GPM6A: variants seen among roughly 807,000 people sequenced by gnomAD.
GPM6A encodes neuronal membrane glycoprotein M6-a.
GPM6A carries 7 observed loss-of-function variants against 32.1 expected under a neutral mutation model. That is an observed-to-expected ratio of 0.22 (90% confidence interval 0.12 to 0.41). The LOEUF (loss-of-function observed/expected upper bound fraction) is 0.41. Ranked by LOEUF, GPM6A falls within the 10% of genes least tolerant of loss-of-function variation. The pLI, the probability that GPM6A is intolerant of heterozygous loss-of-function variation, is 1.00. For missense variants in GPM6A, 235 were observed against 347.2 expected, an observed-to-expected ratio of 0.68 and a Z score of 2.57; for synonymous variants, 130 against 123.4, an observed-to-expected ratio of 1.05 and a Z score of -0.35.
At chr4:175,749,995 A>G (rs949114562) in intron 1 of GPM6A, among the ~76,000 whole-genome samples, 1 of 152,164 alleles carries the variant, frequency 6.6e-6, no homozygotes, top group Non-Finnish European at 1.5e-5. Context: ...CATTTTGTAC[A>G]TAAAGATCAG....
At position 175,633,533 on chromosome 4, in the gene GPM6A, T is replaced by G. The variant is rs534676057; in HGVS notation, c.*1372A>C. The G allele has an allele frequency of 6.6e-6, 1 of 152,550 alleles. No homozygotes were observed. Among genetic ancestry groups the G allele is most frequent in the East Asian group, 1.9e-4 (1 of 5,170 alleles). The allele number at this position is 152,550 out of a possible 1,614,324, so 9.4% of individuals were successfully genotyped here. ...CAAATCAGTGCACAATACTACCTAG[T>G]TTTATACACTGAAAAAAATGTCTTG... On this transcript the variant is annotated 3_prime_UTR_variant, in exon 7 of 7. Coordinates refer to ENST00000393658, the MANE Select transcript of GPM6A (RefSeq NM_201591.3).
chr4:175,945,666 A>G (rs995792407), intron 1 of GPM6A, among the ~76,000 whole-genome samples: 1 of 144,952 alleles, frequency 6.9e-6, no homozygotes, highest in Non-Finnish European at 1.5e-5. Flanking sequence ...TATAAGTTAT[A>G]ATATATGTTA....
chr4:175,906,163 C>T (rs913827091), intron 1 of GPM6A, among the ~76,000 whole-genome samples: 4 of 152,072 alleles, frequency 2.6e-5, no homozygotes, highest in Non-Finnish European at 4.4e-5. Context: ...AATTCAAGAA[C>T]GATGTCACTG....
At chr4:175,711,662 C>T (rs1579414212) in intron 1 of GPM6A, among the ~76,000 whole-genome samples, 1 of 144,552 alleles carries the variant, frequency 6.9e-6, no homozygotes, top group Admixed American at 7.3e-5. Flanking sequence ...GAATCCCCAG[C>T]TGTCTTGTGC....
At chr4:175,916,696 C>T (rs559605835) in intron 1 of GPM6A, among the ~76,000 whole-genome samples, 1 of 152,268 alleles carries the variant, frequency 6.6e-6, no homozygotes, top group East Asian at 1.9e-4. Context: ...CTAACACACA[C>T]TTTCTAATTA....
intron 1 of GPM6A, among the ~76,000 whole-genome samples, chr4:175,732,439 A>C (rs140170837): frequency 6.6e-6 from 1 of 152,172 alleles, no homozygotes; most frequent in East Asian, 1.9e-4. Flanking sequence ...AAGATGAAAG[A>C]CTTTTTTCTA....
chr4:175,762,851 A>C (rs1243597243), intron 1 of GPM6A, among the ~76,000 whole-genome samples: 1 of 152,132 alleles, frequency 6.6e-6, no homozygotes, highest in Non-Finnish European at 1.5e-5. Flanking sequence ...ATTAAAGTAG[A>C]TGCAGCCAAT....
At chr4:175,934,265 T>C (rs2333329) in intron 1 of GPM6A, among the ~76,000 whole-genome samples, 9,290 of 152,290 alleles carry the variant, frequency 0.061, 888 homozygotes, top group African/African-American at 0.21. Flanking sequence ...AATTTTAAAA[T>C]ATTTACTGTC....
At chr4:175,942,597 C>T (rs764211789) in intron 1 of GPM6A, among the ~76,000 whole-genome samples, 1 of 152,110 alleles carries the variant, frequency 6.6e-6, no homozygotes, top group Non-Finnish European at 1.5e-5. Flanking sequence ...CTGCGTATGG[C>T]TAGCCAGTTT....
intron 1 of GPM6A, among the ~76,000 whole-genome samples, chr4:175,732,625 G>A (rs1434335531): frequency 6.6e-6 from 1 of 152,014 alleles, no homozygotes; most frequent in Non-Finnish European, 1.5e-5. Flanking sequence ...TACAAATAAT[G>A]AGAATTCTTT....
chr4:175,957,800 G>A (rs1459121722), intron 1 of GPM6A, among the ~76,000 whole-genome samples: 1 of 152,130 alleles, frequency 6.6e-6, no homozygotes, highest in Non-Finnish European at 1.5e-5. Context: ...ATTTTTGTTT[G>A]TGCCTACCTT....
intron 1 of GPM6A, among the ~76,000 whole-genome samples, chr4:175,745,246 C>G (rs756980717): frequency 3.3e-5 from 5 of 152,126 alleles, no homozygotes; most frequent in Admixed American, 1.3e-4. Context: ...TCGCCTAAGA[C>G]TACAGGTATT....
chr4:175,644,716 G>T (rs1018297976), intron 4 of GPM6A, among the ~76,000 whole-genome samples: 8 of 152,014 alleles, frequency 5.3e-5, no homozygotes, highest in East Asian at 1.9e-4. Context: ...TCTAAATATT[G>T]AATATATATA....
chr4:175,912,658 T>TACA (rs1027140701), intron 1 of GPM6A, among the ~76,000 whole-genome samples: 2 of 151,828 alleles, frequency 1.3e-5, no homozygotes, highest in Admixed American at 6.6e-5. Context: ...CCATCTCAAA[T>TACA]ACAACAACAA....
At chr4:175,975,111 C>G (rs1343846398) in intron 1 of GPM6A, among the ~76,000 whole-genome samples, 1 of 152,238 alleles carries the variant, frequency 6.6e-6, no homozygotes, top group Non-Finnish European at 1.5e-5. Flanking sequence ...CTCTGCTCAT[C>G]TGTGCCATAC....
chr4:175,996,304 T>C (rs558502188), intron 1 of GPM6A, among the ~76,000 whole-genome samples: 1 of 152,156 alleles, frequency 6.6e-6, no homozygotes, highest in Non-Finnish European at 1.5e-5. Context: ...GTTAAATACA[T>C]CTCTTCAAAA....
At chr4:175,699,663 G>T (rs571873325) in intron 2 of GPM6A, among the ~76,000 whole-genome samples, 1 of 152,062 alleles carries the variant, frequency 6.6e-6, no homozygotes, top group East Asian at 1.9e-4. Context: ...GGGGGTGGAG[G>T]GGACTGGGTT....
At chr4:175,707,001 G>A (rs1745229493) in intron 1 of GPM6A, among the ~76,000 whole-genome samples, 1 of 152,160 alleles carries the variant, frequency 6.6e-6, no homozygotes, top group Non-Finnish European at 1.5e-5. Context: ...AAAGTCATGA[G>A]GTTACCCTAC....
At chr4:175,875,340 G>A (rs538052777) in intron 1 of GPM6A, among the ~76,000 whole-genome samples, 1 of 152,068 alleles carries the variant, frequency 6.6e-6, no homozygotes, top group Admixed American at 6.6e-5. Context: ...AATTAGTCAC[G>A]AGTGATTTTG....
Sources: allele counts gnomAD v4.1 joint callset (sites outside exome capture counted in the v4.1 genomes callset), GRCh38; gene constraint gnomAD v4.1.1; transcripts MANE v1.5; gene names NCBI Gene and HGNC (gene_info 2026-07-23, HGNC 2026-07-21).